MYO1H: variants seen among roughly 807,000 people sequenced by gnomAD.
MYO1H encodes the protein unconventional myosin-Ih.
A neutral mutation model predicts 149.3 loss-of-function variants in MYO1H; 118 were observed. That is an observed-to-expected ratio of 0.79 (90% CI 0.68 to 0.92). The LOEUF is 0.92. MYO1H is among the 40% of genes least tolerant of loss of function. MYO1H has a pLI of 0.00. For synonymous variants in MYO1H, 447 were observed against 465.2 expected, an observed-to-expected ratio of 0.96 and a Z score of 0.50; for missense variants, 1,212 against 1,280.7, an observed-to-expected ratio of 0.95 and a Z score of 0.82.
chr12:109,360,989 C>T (rs1217149798), intron 1 of MYO1H, among the ~76,000 whole-genome samples: 1 of 152,194 alleles, frequency 6.6e-6, no homozygotes, highest in Non-Finnish European at 1.5e-5. Flanking sequence ...CCTGCTATCT[C>T]CACAAGTCTA....
the MYO1H span, among the ~76,000 whole-genome samples, chr12:109,321,329 C>G: frequency 1.3e-5 from 2 of 152,088 alleles, no homozygotes; most frequent in African/African-American, 2.4e-5. Context: ...GCAAGCAGAT[C>G]ACTTGAGGTC....
At chr12:109,391,929 T>G (rs940738973) in intron 2 of MYO1H, among the ~76,000 whole-genome samples, 1 of 152,230 alleles carries the variant, frequency 6.6e-6, no homozygotes, top group African/African-American at 2.4e-5. Flanking sequence ...TCTTGTAAGT[T>G]TGTTTAAATT....
At chr12:109,413,848 T>C (rs951339811) in intron 14 of MYO1H, among the ~76,000 whole-genome samples, 5 of 152,012 alleles carry the variant, frequency 3.3e-5, no homozygotes, top group Non-Finnish European at 7.4e-5. Context: ...AGGTAGAGGT[T>C]GCAGTGAGCC....
At chr12:109,313,732 G>A in the MYO1H span, among the ~76,000 whole-genome samples, 1 of 152,096 alleles carries the variant, frequency 6.6e-6, no homozygotes, top group Admixed American at 6.5e-5. Flanking sequence ...GCCTGTTATG[G>A]ACTATGATCC....
At chr12:109,409,740 A>G (rs562696389) in intron 11 of MYO1H, 116 bp downstream of exon 11, 2 of 921,260 alleles carry the variant, frequency 2.2e-6, no homozygotes, top group Non-Finnish European at 3.5e-6. Context: ...GAAAGTCTCT[A>G]GATTTACATA....
At chr12:109,335,143 T>G in the MYO1H span, among the ~76,000 whole-genome samples, 1 of 152,200 alleles carries the variant, frequency 6.6e-6, no homozygotes, top group Non-Finnish European at 1.5e-5. Flanking sequence ...TATGTCACAT[T>G]TTATTTATCC....
At chr12:109,377,168 C>T (rs1869102113) in intron 1 of MYO1H, among the ~76,000 whole-genome samples, 1 of 152,142 alleles carries the variant, frequency 6.6e-6, no homozygotes, top group Admixed American at 6.6e-5. Context: ...CCCACCATCT[C>T]TTGCCGTCTT....
chr12:109,442,801 T>TGCC (rs1380970184), intron 27 of MYO1H, among the ~76,000 whole-genome samples: 3 of 115,304 alleles, frequency 2.6e-5, no homozygotes, highest in Non-Finnish European at 5.2e-5. Context: ...TGCTCTTTTT[T>TGCC]TTTTTTTTTT....
intron 5 of MYO1H, among the ~76,000 whole-genome samples, chr12:109,398,323 T>C (rs1870006753): frequency 6.6e-6 from 1 of 152,218 alleles, no homozygotes; most frequent in Non-Finnish European, 1.5e-5. Flanking sequence ...ACGACTACAC[T>C]GTGGTGTGTT....
intron 1 of MYO1H, among the ~76,000 whole-genome samples, chr12:109,381,791 A>C (rs1047209131): frequency 2.6e-5 from 4 of 152,212 alleles, no homozygotes; most frequent in African/African-American, 9.6e-5. Flanking sequence ...GCACCACTGC[A>C]CTCCAGCCTG....
chr12:109,388,608 T>C, intron 1 of MYO1H, 75 bp from the exon 2 acceptor site: 1 of 1,320,956 alleles, frequency 7.6e-7, no homozygotes, highest in Non-Finnish European at 1.0e-6. Flanking sequence ...TAGCATCTTG[T>C]TATTTCCATG....
At chr12:109,402,231 A>G (rs1038593530) in intron 6 of MYO1H, among the ~76,000 whole-genome samples, 3 of 152,186 alleles carry the variant, frequency 2.0e-5, no homozygotes, top group Non-Finnish European at 4.4e-5. Flanking sequence ...GCGTCCTACA[A>G]TGCCCAGATT....
the MYO1H span, among the ~76,000 whole-genome samples, chr12:109,325,622 T>G: frequency 3.3e-5 from 5 of 152,176 alleles, no homozygotes; most frequent in African/African-American, 9.7e-5. Context: ...CAAAAAAAGC[T>G]AGCATCAGAG....
At chr12:109,326,606 C>T in the MYO1H span, among the ~76,000 whole-genome samples, 10 of 151,744 alleles carry the variant, frequency 6.6e-5, no homozygotes, top group Non-Finnish European at 1.5e-4. Flanking sequence ...ACTGCAACCT[C>T]CGCCTCCTGG....
chr12:109,435,635 A>G (rs1000292780), intron 21 of MYO1H, among the ~76,000 whole-genome samples: 19 of 152,246 alleles, frequency 1.2e-4, no homozygotes, highest in Non-Finnish European at 2.9e-5. Flanking sequence ...GCTGTGCGCC[A>G]GGTGAACACT....
At chr12:109,362,504 T>C (rs945961283) in intron 1 of MYO1H, among the ~76,000 whole-genome samples, 5 of 152,214 alleles carry the variant, frequency 3.3e-5, no homozygotes, top group African/African-American at 1.2e-4. Context: ...ATTTATTGAA[T>C]TTGTTTAACA....
intron 30 of MYO1H, among the ~76,000 whole-genome samples, chr12:109,444,907 AT>A (rs991807964): frequency 2.2e-4 from 34 of 151,994 alleles, no homozygotes; most frequent in African/African-American, 8.0e-4. Flanking sequence ...AGATGCAAAT[AT>A]TGTTTTCACT....
chr12:109,398,197 G>A (rs959506528), intron 5 of MYO1H, among the ~76,000 whole-genome samples: 1 of 152,108 alleles, frequency 6.6e-6, no homozygotes. Context: ...CGCTCCCAGA[G>A]ATATCGCTAC....
the MYO1H span, among the ~76,000 whole-genome samples, chr12:109,330,734 G>T: frequency 6.6e-6 from 1 of 152,144 alleles, no homozygotes; most frequent in African/African-American, 2.4e-5. Context: ...CCAGTTTCAT[G>T]CAGATCATGC....
Sources: gnomAD v4.1 joint callset for allele counts (sites outside exome capture counted in the v4.1 genomes callset) on GRCh38, gnomAD v4.1.1 for gene constraint, MANE v1.5 for transcripts, NCBI Gene and HGNC (gene_info 2026-07-23, HGNC 2026-07-21) for gene names.